The following KLHL38 variants were observed in gnomAD, a reference collection of about 807,000 sequenced individuals.
KLHL38 encodes kelch-like protein 38.
Under a neutral mutation model 39.6 loss-of-function variants are expected in KLHL38, and 38 were observed. That is an observed-to-expected ratio of 0.96 (90% CI 0.74 to 1.26). KLHL38 has a LOEUF of 1.26. Ranked by LOEUF, KLHL38 falls within the 50% of genes most tolerant of loss-of-function variation. The pLI is 0.00. For missense variants in KLHL38, 803 were observed against 748.1 expected, an observed-to-expected ratio of 1.07 and a Z score of -0.86; for synonymous variants, 322 against 302.2, an observed-to-expected ratio of 1.07 and a Z score of -0.68.
At chr8:123,650,345 A>C (rs888156114) in intron 2 of KLHL38, among the ~76,000 whole-genome samples, 4 of 152,152 alleles carry the variant, frequency 2.6e-5, no homozygotes, top group African/African-American at 9.7e-5. Context: ...TCATGTTTTA[A>C]AGTTTATGAA....
intron 2 of KLHL38, among the ~76,000 whole-genome samples, chr8:123,650,212 C>T (rs62518568): frequency 0.04 from 6,131 of 152,172 alleles, 169 homozygotes; most frequent in Non-Finnish European, 0.062. Flanking sequence ...TCTGGACCAG[C>T]GGTGTCCAAT....
chr8:123,646,945 C>T lies in KLHL38; in HGVS notation c.1420G>A (p.Ala474Thr). 2 of 1,613,806 alleles carry T rather than the reference C, an allele frequency of 1.2e-6. No individual in the cohort carries two copies. Among genetic ancestry groups the T allele is most frequent in the Non-Finnish European group, 1.7e-6 (2 of 1,179,818 alleles). Residue 474 changes from alanine to threonine, a missense_variant, in exon 3 of 4, where the codon GCA (alanine) becomes ACA (threonine). Transcript: ENST00000684634. ...ACAATCCGCTCCCCAAGCACCACTG[C>T]AGGGGCACACACGTTCTTGATCATT... ...TRMIKNVCAP[A>T]VVLGERIVIV...
chr8:123,650,045 T>G (rs998961018), intron 2 of KLHL38, among the ~76,000 whole-genome samples: 30 of 151,938 alleles, frequency 2.0e-4, no homozygotes, highest in African/African-American at 6.5e-4. Context: ...TTCCCTTACA[T>G]GCTTTCTTAG....
In KLHL38 at chr8:123,652,963, GA is replaced by G. The variant is rs769106484; in HGVS notation, c.-1-37del. 3 of 1,550,926 alleles carry G rather than the reference GA, an allele frequency of 1.9e-6. No individual in the cohort carries two copies. In the East Asian group the frequency reaches 6.8e-5, roughly 35 times the overall value. On this transcript the variant is annotated intron_variant, in intron 1 of 3. Coordinates refer to ENST00000684634, the MANE Select transcript of KLHL38 (RefSeq NM_001081675.3). ...GGAAGGAAGCCCCCAGAGTCAGCAA[GA>G]GTCAAACCTTTCTCAGCTGCATGTG...
rs777529886 is a variant in KLHL38 at position 123,645,907 on chromosome 8, C to T, written c.1578G>A (p.Thr526=). The T allele has an allele frequency of 4.3e-6, 7 of 1,613,970 alleles. No homozygotes were observed. The highest frequency in any genetic ancestry group is 1.6e-4 in the Middle Eastern group (1 of 6,084). Residue 526 remains threonine, a synonymous_variant, in exon 4 of 4, where the codon ACG becomes ACA. Transcript: ENST00000684634. The stretch of plus-strand genomic sequence containing the variant: ...AGTCCGTGGTCAGCCGCCGCCCGCC[C>T]GTCACGTAGAGTTTGTTTCCCATCA... ...ATVMGNKLYV[T]GGRRLTTDCN... is the part of the protein sequence containing the mutation.
At position 123,652,813 on chromosome 8, in the gene KLHL38, G is replaced by T. The variant is rs1812679267; in HGVS notation, c.114C>A (p.Ile38=). ...AGGGGATCTCCCGGGCACCGGCACA[G>T]ATGCTCACATCAGTCAGGATCCTGC... is the stretch of plus-strand genomic sequence containing the variant. ...RQSRILTDVS[I]CAGAREIPCH... Residue 38 remains isoleucine, a synonymous_variant, in exon 2 of 4, where the codon ATC becomes ATA. Coordinates refer to ENST00000684634, the MANE Select transcript of KLHL38 (RefSeq NM_001081675.3). The T allele has an allele frequency of 1.9e-6, 3 of 1,613,414 alleles. No homozygotes were observed. Among genetic ancestry groups the T allele is most frequent in the Non-Finnish European group, 2.5e-6 (3 of 1,180,044 alleles).
Position 123,645,686 on chromosome 8 carries a change from T to G in KLHL38, c.*53A>C. The G allele has an allele frequency of 6.3e-7, 1 of 1,589,940 alleles. No individual in the cohort carries two copies. The highest frequency in any genetic ancestry group is 8.6e-7 in the Non-Finnish European group (1 of 1,164,634). ...GTTAAGCCCTTTGGAGCTGGGTTTG[T>G]GTCCCTGGCGACAGAAGGCATTTTG... On this transcript the variant is annotated 3_prime_UTR_variant, in exon 4 of 4. Transcript: ENST00000684634.
chr8:123,652,024 G>A lies in KLHL38; in HGVS notation c.903C>T (p.Asp301=), dbSNP rs200699799. 627 of 1,614,244 alleles carry A rather than the reference G, an allele frequency of 3.9e-4. 2 individuals are homozygous for A. The Middle Eastern group carries it at 7.3e-3, about 19-fold the overall frequency. The part of the protein sequence containing the change: ...GRKDSQQTTR[D]VLLYSKQTGQ... Reference sequence around the variant, plus strand: ...CGGTCTGTTTGCTGTACAGTAGGACGTCCCTGGTGGTCTGCTGGCTGTCCT... The same window carrying A: ...CGGTCTGTTTGCTGTACAGTAGGACATCCCTGGTGGTCTGCTGGCTGTCCT... The change falls in exon 2 of 4, where the codon GAC becomes GAT. Residue 301 remains aspartate, a synonymous_variant. Coordinates refer to ENST00000684634, the MANE Select transcript of KLHL38 (RefSeq NM_001081675.3).
At position 123,645,056 on chromosome 8, in the gene KLHL38, G is replaced by GA. The variant is rs1554587820; in HGVS notation, c.*682_*683insT. Reference sequence around the variant, plus strand: ...AGACTGAGAGAGAGAGAGAGAGAGAGGGGCAGAGAGAGGCAGAGAGACAGA... The same window carrying GA: ...AGACTGAGAGAGAGAGAGAGAGAGAGAGGGCAGAGAGAGGCAGAGAGACAGA... On this transcript the variant is annotated 3_prime_UTR_variant, in exon 4 of 4. Transcript: ENST00000684634. Among the ~76,000 whole-genome samples, 36 of 117,460 alleles carry GA rather than the reference G, an allele frequency of 3.1e-4. No individual in the cohort carries two copies. Among genetic ancestry groups the GA allele is most frequent in the South Asian group, 2.3e-3 (8 of 3,476 alleles). The allele number at this position is 117,460 out of a possible 152,430, so 77.1% of individuals were successfully genotyped here.
chr8:123,649,449 C>T (rs143577866), intron 2 of KLHL38, among the ~76,000 whole-genome samples: 2 of 152,256 alleles, frequency 1.3e-5, no homozygotes, highest in African/African-American at 2.4e-5. Flanking sequence ...CAAGCCATCA[C>T]CACCCTTGCC....
At position 123,644,802 on chromosome 8, in the gene KLHL38, G is replaced by A. The variant is rs77648132; in HGVS notation, c.*937C>T. 7.9e-3 allele frequency among the ~76,000 whole-genome samples: 1,199 copies of A among 152,280 alleles called. 14 individuals are homozygous for A. Among genetic ancestry groups the A allele is most frequent in the African/African-American group, 0.027 (1,121 of 41,548 alleles). On this transcript the variant is annotated 3_prime_UTR_variant, in exon 4 of 4. Transcript: ENST00000684634. ...ATGTGGTCCAGGACTAGCCAGTCCT[G>A]GCAACAGTGATTGGCTCAAGAGGTA...
At chr8:123,650,621 C>A (rs1342120307) in intron 2 of KLHL38, among the ~76,000 whole-genome samples, 1 of 152,098 alleles carries the variant, frequency 6.6e-6, no homozygotes, top group Non-Finnish European at 1.5e-5. Context: ...TCACGTTCTG[C>A]AGAGATTACC....
intron 2 of KLHL38, among the ~76,000 whole-genome samples, chr8:123,649,728 G>T (rs536140462): frequency 2.0e-5 from 3 of 152,188 alleles, no homozygotes; most frequent in Non-Finnish European, 2.9e-5. Context: ...AGGGGCTCAG[G>T]GGTTGCGATG....
intron 2 of KLHL38, among the ~76,000 whole-genome samples, chr8:123,648,853 T>C (rs921590470): frequency 3.3e-5 from 5 of 152,214 alleles, no homozygotes; most frequent in Non-Finnish European, 5.9e-5. Context: ...AACAAGCCTA[T>C]GAAGAAAACT....
At chr8:123,646,642 G>A (rs1359535814) in intron 3 of KLHL38, among the ~76,000 whole-genome samples, 1 of 152,200 alleles carries the variant, frequency 6.6e-6, no homozygotes, top group African/African-American at 2.4e-5. Context: ...ATCTGGGATA[G>A]TGCTAAGTGC....
intron 2 of KLHL38, among the ~76,000 whole-genome samples, 155 bp downstream of exon 2, chr8:123,651,422 G>A (rs1056470894): frequency 1.3e-5 from 2 of 152,198 alleles, no homozygotes; most frequent in African/African-American, 2.4e-5. Context: ...GTATGCATAT[G>A]TGTGTTTGTG....
At position 123,651,727 on chromosome 8, in the gene KLHL38, G is replaced by A; in HGVS notation, c.1200C>T (p.Ser400=). Residue 400 remains serine (S), a synonymous_variant, in exon 2 of 4, where the codon TCC becomes TCT. Coordinates refer to ENST00000684634, the MANE Select transcript of KLHL38 (RefSeq NM_001081675.3). The part of the protein sequence containing the change: ...GIGEGQELMG[S]MERYDSICNV... ...TGCAGATGCTGTCATACCTTTCCAT[G>A]GAGCCCATGAGCTCCTGCCCTTCTC... 6.2e-7 allele frequency: 1 copy of A among 1,614,180 alleles called. No homozygotes were observed. Among genetic ancestry groups the A allele is most frequent in the Non-Finnish European group, 8.5e-7 (1 of 1,180,026 alleles).
chr8:123,649,033 A>G (rs1477626047), intron 2 of KLHL38, among the ~76,000 whole-genome samples: 7 of 152,220 alleles, frequency 4.6e-5, no homozygotes, highest in Admixed American at 4.6e-4. Context: ...CCTGAAATGC[A>G]AAAGGATCCC....
At chr8:123,653,050 T>G in intron 1 of KLHL38, 123 bp from the exon 2 acceptor site, 1 of 966,098 alleles carries the variant, frequency 1.0e-6, no homozygotes, top group Non-Finnish European at 1.5e-6. Context: ...CCCATGATGT[T>G]TGCGGATGTC....
Sources: allele counts gnomAD v4.1 joint callset (sites outside exome capture counted in the v4.1 genomes callset), GRCh38; gene constraint gnomAD v4.1.1; transcripts MANE v1.5; gene names NCBI Gene and HGNC (gene_info 2026-07-23, HGNC 2026-07-21).